The following GPD1L variants were observed in gnomAD, a reference collection of about 807,000 sequenced individuals.
The protein encoded by GPD1L is glycerol-3-phosphate dehydrogenase 1-like protein.
GPD1L carries 17 observed loss-of-function variants against 32.9 expected under a neutral mutation model. That is an observed-to-expected ratio of 0.52 (90% CI 0.35 to 0.78). The LOEUF is 0.78. Ranked by LOEUF, GPD1L falls within the 30% of genes least tolerant of loss-of-function variation. GPD1L has a pLI of 0.01. For synonymous variants in GPD1L, 187 were observed against 165.9 expected (o/e 1.13, Z -0.98); for missense variants, 361 against 447.8 (o/e 0.81, Z 1.75).
chr3:32,146,826 C>T lies in GPD1L; in HGVS notation c.618+92C>T, dbSNP rs532332745. On this transcript the variant is annotated intron_variant, in intron 5 of 7. Transcript: ENST00000282541. ...TCAAGAATGGGCTCTGTGTTCTGTGCACCCACATCAGCGAAGAATAGTGAA... is the reference window on the plus strand; with the variant it reads ...TCAAGAATGGGCTCTGTGTTCTGTGTACCCACATCAGCGAAGAATAGTGAA... The T allele has an allele frequency of 5.4e-4, 428 of 798,736 alleles. 8 individuals are homozygous for T. The South Asian group carries it at 5.5e-3, about 10-fold the overall frequency. 49.5% of individuals were successfully genotyped at this position (798,736 alleles called of 1,614,324 possible). A position where few individuals can be genotyped will look rare whatever the true frequency, so the allele number is the denominator to read the frequency against.
At chr3:32,123,791 A>AAGATAGGTAGAT (rs1700459452) in intron 1 of GPD1L, among the ~76,000 whole-genome samples, 1 of 126,890 alleles carries the variant, frequency 7.9e-6, no homozygotes, top group Non-Finnish European at 1.7e-5. Context: ...CAGGAATTGA[A>AAGATAGGTAGAT]AGATAGATAG....
chr3:32,160,532 G>A (rs1380473777), intron 7 of GPD1L, among the ~76,000 whole-genome samples: 1 of 71,306 alleles, frequency 1.4e-5, no homozygotes, highest in South Asian at 7.1e-4. Flanking sequence ...GGATGGGTGG[G>A]ATGGGTGAAT....
chr3:32,165,728 C>T, intron 7 of GPD1L, 86 bp from the exon 8 acceptor site: 2 of 758,662 alleles, frequency 2.6e-6, no homozygotes, highest in Non-Finnish European at 4.8e-6. Flanking sequence ...TACTAACCTG[C>T]AATCTGTTAG....
chr3:32,150,413 A>G (rs1447986208), intron 5 of GPD1L, among the ~76,000 whole-genome samples: 2 of 151,556 alleles, frequency 1.3e-5, no homozygotes, highest in Admixed American at 6.6e-5. Context: ...AGTAGCTGGG[A>G]TTATAGGTAT....
At chr3:32,149,923 T>C (rs562167102) in intron 5 of GPD1L, among the ~76,000 whole-genome samples, 84 of 146,838 alleles carry the variant, frequency 5.7e-4, no homozygotes, top group African/African-American at 2.0e-3. Context: ...CACTCCAGCC[T>C]GGGCGACAGA....
intron 2 of GPD1L, among the ~76,000 whole-genome samples, chr3:32,133,509 C>T (rs544919628): frequency 3.3e-5 from 5 of 152,076 alleles, no homozygotes; most frequent in Non-Finnish European, 7.4e-5. Context: ...GCTGTAGGCT[C>T]GAAAAGACCT....
At chr3:32,112,875 C>T (rs1162408246) in intron 1 of GPD1L, among the ~76,000 whole-genome samples, 1 of 151,998 alleles carries the variant, frequency 6.6e-6, no homozygotes, top group Non-Finnish European at 1.5e-5. Flanking sequence ...TATTATAACC[C>T]TATGTTAGAT....
intron 1 of GPD1L, among the ~76,000 whole-genome samples, chr3:32,111,685 T>C (rs1162608270): frequency 6.6e-6 from 1 of 152,084 alleles, no homozygotes. Context: ...AGGAGTGTCC[T>C]TGGGAGTTGC....
Position 32,159,086 on chromosome 3 carries a change from G to C in GPD1L, c.829G>C (p.Glu277Gln), listed in dbSNP as rs775843493. 1 of 1,613,512 alleles carries C rather than the reference G, an allele frequency of 6.2e-7. No individual in the cohort carries two copies. Among genetic ancestry groups the C allele is most frequent in the African/African-American group, 1.3e-5 (1 of 74,924 alleles). Residue 277 changes from glutamate to glutamine, a missense_variant, in exon 6 of 8, where the codon GAG becomes CAG. By Grantham distance (29) the Glu-to-Gln change is conservative. Transcript: ENST00000282541. ...CGGAGGGCGGAACCGCAGGGTGGCC[G>C]AGGCCTTCGCCAGAACTGGGAAGGT... is the stretch of plus-strand genomic sequence containing the variant. ...CYGGRNRRVA[E>Q]AFARTGKTIE...
At chr3:32,127,516 T>G (rs1316130332) in intron 1 of GPD1L, among the ~76,000 whole-genome samples, 1 of 152,178 alleles carries the variant, frequency 6.6e-6, no homozygotes, top group African/African-American at 2.4e-5. Flanking sequence ...CACTAGAACA[T>G]GTTTGCTAAA....
chr3:32,159,223 T>A, intron 6 of GPD1L, 114 bp downstream of exon 6: 1 of 792,536 alleles, frequency 1.3e-6, no homozygotes, highest in Non-Finnish European at 2.1e-6. Context: ...CTGGGATTGT[T>A]CCGTTTGCCT....
chr3:32,159,679 GTC>G lies in GPD1L; in HGVS notation c.959+10_959+11del. ...ACAGAAGGGACTACTGGACAAGTAA[GTC>G]TCTCAGTCGCCCATGAGACCAGATA... is the stretch of plus-strand genomic sequence containing the variant. On this transcript the variant is annotated splice_donor_region_variant and intron_variant, in intron 7 of 7. Coordinates refer to ENST00000282541, the MANE Select transcript of GPD1L (RefSeq NM_015141.4). 1 of 1,531,494 alleles carries G rather than the reference GTC, an allele frequency of 6.5e-7. No homozygotes were observed. Among genetic ancestry groups the G allele is most frequent in the Non-Finnish European group, 9.0e-7 (1 of 1,105,092 alleles). 94.9% of individuals were successfully genotyped at this position (1,531,494 alleles called of 1,614,324 possible). A position where few individuals can be genotyped will look rare whatever the true frequency, so the allele number is the denominator to read the frequency against.
At chr3:32,107,117 C>T (rs1035704221) in intron 1 of GPD1L, among the ~76,000 whole-genome samples, 1 of 152,202 alleles carries the variant, frequency 6.6e-6, no homozygotes, top group Non-Finnish European at 1.5e-5. Flanking sequence ...GGCGGATCTC[C>T]TGGGTCAAGG....
rs139760875 is a variant in GPD1L at position 32,159,689 on chromosome 3, C to T, written c.959+15C>T. 2.2e-5 allele frequency: 31 copies of T among 1,410,436 alleles called. No homozygotes were observed. Among genetic ancestry groups the T allele is most frequent in the South Asian group, 1.8e-4 (16 of 87,086 alleles). 87.4% of individuals were successfully genotyped at this position (1,410,436 alleles called of 1,614,324 possible). ...CTACTGGACAAGTAAGTCTCTCAGT[C>T]GCCCATGAGACCAGATAAATGTCCA... On this transcript the variant is annotated intron_variant, in intron 7 of 7. Coordinates refer to ENST00000282541, the MANE Select transcript of GPD1L (RefSeq NM_015141.4).
At chr3:32,147,542 G>T (rs1700850373) in intron 5 of GPD1L, among the ~76,000 whole-genome samples, 1 of 152,154 alleles carries the variant, frequency 6.6e-6, no homozygotes. Flanking sequence ...AACCAACAGG[G>T]AACAGCAGCA....
intron 4 of GPD1L, among the ~76,000 whole-genome samples, chr3:32,143,484 A>G (rs1700777304): frequency 6.6e-6 from 1 of 152,102 alleles, no homozygotes; most frequent in African/African-American, 2.4e-5. Flanking sequence ...TTGACTCTTC[A>G]AAAAAGTCAG....
At chr3:32,157,283 G>A (rs1426305546) in intron 5 of GPD1L, among the ~76,000 whole-genome samples, 1 of 149,468 alleles carries the variant, frequency 6.7e-6, no homozygotes. Context: ...TCTCGCTCTC[G>A]CCCAGGCTGG....
At chr3:32,142,604 C>T (rs1700760833) in intron 4 of GPD1L, among the ~76,000 whole-genome samples, 1 of 152,000 alleles carries the variant, frequency 6.6e-6, no homozygotes, top group Admixed American at 6.6e-5. Context: ...CTTATATTTT[C>T]CCAAAAAGAT....
intron 2 of GPD1L, among the ~76,000 whole-genome samples, chr3:32,135,412 C>G (rs1004804082): frequency 6.6e-6 from 1 of 152,086 alleles, no homozygotes; most frequent in Non-Finnish European, 1.5e-5. Context: ...GACACACAGG[C>G]CAATTGTGGG....
Sources: allele counts gnomAD v4.1 joint callset (sites outside exome capture counted in the v4.1 genomes callset), GRCh38; gene constraint gnomAD v4.1.1; transcripts MANE v1.5; gene names NCBI Gene and HGNC (gene_info 2026-07-23, HGNC 2026-07-21).